Variants in DNM3 observed in about 807,000 individuals in gnomAD.
DNM3 encodes the protein dynamin 3.
In DNM3, 47 loss-of-function variants were observed where a neutral mutation model predicts 101.6. The ratio of observed to expected loss-of-function variants is 0.46; its 90% CI spans 0.37 to 0.59. The LOEUF (loss-of-function observed/expected upper bound fraction) is 0.59, where lower values mean the gene tolerates loss of function less well. DNM3 is among the 20% of genes least tolerant of loss of function. DNM3 has a pLI of 0.00. For synonymous variants in DNM3, 385 were observed against 387.9 expected (o/e 0.99, Z 0.09); for missense variants, 849 against 1,085.7 (o/e 0.78, Z 3.06).
At chr1:171,908,072 G>A (rs530488074) in intron 1 of DNM3, among the ~76,000 whole-genome samples, 1 of 152,258 alleles carries the variant, frequency 6.6e-6, no homozygotes, top group African/African-American at 2.4e-5. Flanking sequence ...GCATTTCTGT[G>A]TGTTACACTC....
chr1:172,233,843 C>T (rs1480115259), intron 14 of DNM3, among the ~76,000 whole-genome samples: 1 of 152,148 alleles, frequency 6.6e-6, no homozygotes, highest in Non-Finnish European at 1.5e-5. Context: ...TTCAACAGCC[C>T]TTCACGCTAA....
chr1:171,970,779 CTG>C (rs2043934830), intron 2 of DNM3, among the ~76,000 whole-genome samples: 1 of 147,238 alleles, frequency 6.8e-6, no homozygotes, highest in Non-Finnish European at 1.5e-5. Flanking sequence ...TTACTGGTCA[CTG>C]TTTTTCAATG....
Position 172,411,902 on chromosome 1 carries a change from G to A in DNM3, c.*4061G>A. 2 of 985,732 alleles carry A rather than the reference G, an allele frequency of 2.0e-6. No homozygotes were observed. The highest frequency in any genetic ancestry group is 2.4e-6 in the Non-Finnish European group (2 of 829,858). 61.1% of individuals were successfully genotyped at this position (985,732 alleles called of 1,614,324 possible). On this transcript the variant is annotated 3_prime_UTR_variant, in exon 21 of 21. Coordinates refer to ENST00000627582, the MANE Select transcript of DNM3 (RefSeq NM_015569.5). ...TTATTCGTTCACCAGATCACTCATT[G>A]TACATTCTAAAAAGCTCAAATGAGT... is the stretch of plus-strand genomic sequence containing the variant.
intron 12 of DNM3, among the ~76,000 whole-genome samples, chr1:172,090,972 C>A (rs2053867889): frequency 6.6e-6 from 1 of 152,112 alleles, no homozygotes. Flanking sequence ...CCCAGAATAA[C>A]CAAAATGAGT....
At chr1:172,353,044 C>T (rs1290036632) in intron 17 of DNM3, among the ~76,000 whole-genome samples, 1 of 152,132 alleles carries the variant, frequency 6.6e-6, no homozygotes, top group Non-Finnish European at 1.5e-5. Flanking sequence ...AAGGTATTCT[C>T]CTCACACTTC....
intron 4 of DNM3, among the ~76,000 whole-genome samples, chr1:172,006,099 A>G (rs1285728066): frequency 6.6e-6 from 1 of 152,078 alleles, no homozygotes; most frequent in Non-Finnish European, 1.5e-5. Context: ...CCTGAAATGT[A>G]AACTCCCATG....
intron 4 of DNM3, among the ~76,000 whole-genome samples, chr1:171,996,875 A>T (rs1287906355): frequency 1.3e-5 from 2 of 151,706 alleles, no homozygotes; most frequent in Non-Finnish European, 2.9e-5. Flanking sequence ...CAAAAAATAT[A>T]AAAAAAATTA....
At chr1:171,999,190 G>T (rs141773329) in intron 4 of DNM3, among the ~76,000 whole-genome samples, 1 of 152,050 alleles carries the variant, frequency 6.6e-6, no homozygotes, top group African/African-American at 2.4e-5. Flanking sequence ...GGTCCAGTAG[G>T]GGGTGAGGTG....
At chr1:171,854,844 G>A (rs2033419399) in intron 1 of DNM3, among the ~76,000 whole-genome samples, 1 of 151,786 alleles carries the variant, frequency 6.6e-6, no homozygotes, top group South Asian at 2.1e-4. Flanking sequence ...TGGGATTACA[G>A]GTGTGAGCCA....
intron 14 of DNM3, among the ~76,000 whole-genome samples, chr1:172,192,195 T>A (rs1005009434): frequency 6.6e-6 from 1 of 152,134 alleles, no homozygotes; most frequent in Non-Finnish European, 1.5e-5. Flanking sequence ...TTGAGAGTTT[T>A]TAGCGTGAAG....
rs560349939 is a variant in DNM3, at chr1:171,867,946, T to A, written c.161+26129T>A. ...TAAACTAAGATACTTTCTTATCACT[T>A]AACATTTTTGTTTTATAGTTAATGG... On this transcript the variant is annotated intron_variant, in intron 1 of 20. Transcript: ENST00000627582. Among the ~76,000 whole-genome samples, 17 of 152,330 alleles carry A rather than the reference T, an allele frequency of 1.1e-4. No individual in the cohort carries two copies. In the East Asian group the frequency reaches 2.7e-3, roughly 24 times the overall value.
rs774870439 is a variant in DNM3 at position 172,379,101 on chromosome 1, C to T, written c.1977C>T (p.Leu659=). 72 of 1,612,106 alleles carry T rather than the reference C, an allele frequency of 4.5e-5. No homozygotes were observed. The highest frequency in any genetic ancestry group is 1.6e-4 in the Middle Eastern group (1 of 6,074). ...LERQVETIRN[L]VDSYMSIINK... ...GGCAAGTGGAGACCATTCGCAACCT[C>T]GTAGACTCCTACATGTCCATTATCA... Residue 659 remains leucine, a synonymous_variant, in exon 18 of 21, where the codon CTC becomes CTT. Coordinates refer to ENST00000627582, the MANE Select transcript of DNM3 (RefSeq NM_015569.5).
Position 172,408,356 on chromosome 1 carries a change from G to A in DNM3, c.*515G>A, listed in dbSNP as rs145550198. 247 of 986,280 alleles carry A rather than the reference G, an allele frequency of 2.5e-4. No homozygotes were observed. The African/African-American group carries it at 3.7e-3, about 15-fold the overall frequency. The allele number at this position is 986,280 out of a possible 1,614,324, so 61.1% of individuals were successfully genotyped here. ...CCTTTTTATTTCATAAGACTGCTAG[G>A]AAGTGATTTTTTAAAATTAGGACTC... On this transcript the variant is annotated 3_prime_UTR_variant, in exon 21 of 21. Transcript: ENST00000627582.
chr1:172,104,867 T>G (rs1278480190), intron 13 of DNM3, among the ~76,000 whole-genome samples: 1 of 152,146 alleles, frequency 6.6e-6, no homozygotes, highest in Non-Finnish European at 1.5e-5. Flanking sequence ...CAGAGCAGAG[T>G]ATAGAGGCTA....
At chr1:171,960,956 T>C (rs1349797044) in intron 2 of DNM3, among the ~76,000 whole-genome samples, 1 of 152,002 alleles carries the variant, frequency 6.6e-6, no homozygotes, top group Non-Finnish European at 1.5e-5. Flanking sequence ...GAGTTGGAAG[T>C]AGTAGTGGAA....
At chr1:172,187,964 A>G (rs897710630) in intron 14 of DNM3, among the ~76,000 whole-genome samples, 1 of 152,086 alleles carries the variant, frequency 6.6e-6, no homozygotes, top group Non-Finnish European at 1.5e-5. Context: ...TTCAAATAGT[A>G]TAAAGTAAGC....
At chr1:172,055,982 C>G (rs1181299099) in intron 10 of DNM3, among the ~76,000 whole-genome samples, 1 of 152,134 alleles carries the variant, frequency 6.6e-6, no homozygotes, top group South Asian at 2.1e-4. Flanking sequence ...TCAGTGGGTG[C>G]GTGCACCGTG....
chr1:172,310,238 G>A (rs2065023842), intron 16 of DNM3: 1 of 152,156 alleles, frequency 6.6e-6, no homozygotes. Flanking sequence ...TGATGGTAGT[G>A]TGTTTAATTT....
At chr1:172,208,853 T>C (rs1046122621) in intron 14 of DNM3, among the ~76,000 whole-genome samples, 5 of 152,060 alleles carry the variant, frequency 3.3e-5, no homozygotes, top group Admixed American at 2.0e-4. Flanking sequence ...TTGTGCATGA[T>C]CAACTATTTC....
Sources: gnomAD v4.1 joint callset for allele counts (sites outside exome capture counted in the v4.1 genomes callset) on GRCh38, gnomAD v4.1.1 for gene constraint, MANE v1.5 for transcripts, NCBI Gene and HGNC (gene_info 2026-07-23, HGNC 2026-07-21) for gene names.